HPGD: variants seen among roughly 807,000 people sequenced by gnomAD.
HPGD encodes the protein 15-hydroxyprostaglandin dehydrogenase.
HPGD carries 29 observed loss-of-function variants against 30.0 expected under a neutral mutation model. The ratio of observed to expected loss-of-function variants is 0.97; its 90% CI spans 0.72 to 1.32. HPGD has a LOEUF of 1.32. Ranked by LOEUF, HPGD falls within the 40% of genes most tolerant of loss-of-function variation. The pLI is 0.00. For synonymous variants in HPGD, 99 were observed against 112.4 expected, an observed-to-expected ratio of 0.88 and a Z score of 0.75; for missense variants, 340 against 322.1, an observed-to-expected ratio of 1.06 and a Z score of -0.43.
chr4:174,492,005 A>T lies in HPGD; in HGVS notation c.752T>A (p.Ile251Asn). 1 of 1,611,392 alleles carries T rather than the reference A, an allele frequency of 6.2e-7. No individual in the cohort carries two copies. The highest frequency in any genetic ancestry group is 8.5e-7 in the Non-Finnish European group (1 of 1,177,834). ...AGTTGTATCATAGTCTTGAAAATGA[A>T]TTCCCTTAGAAGTTGTGATCTTCAT... Reference protein sequence around the residue: ...AIMKITTSKGIHFQDYDTTPF... With the variant: ...AIMKITTSKGNHFQDYDTTPF... The change falls in exon 7 of 7, where the codon ATT (isoleucine) becomes AAT (asparagine). Residue 251 changes from isoleucine (I) to asparagine (N), a missense_variant. Ile to Asn is a moderately radical substitution (Grantham distance 149). Transcript: ENST00000296522. This position sits in a 1 kb window ranked among gnomAD's most constrained non-coding sequence, Gnocchi z 4.9.
chr4:174,503,238 G>T, intron 4 of HPGD, among the ~76,000 whole-genome samples: 1 of 152,102 alleles, frequency 6.6e-6, no homozygotes. Context: ...TAAGCAGGAA[G>T]GGTGGCTCCC....
upstream of HPGD, chr4:174,522,589 G>A: frequency 1.8e-6 from 1 of 568,338 alleles, no homozygotes; most frequent in Non-Finnish European, 2.9e-6. Flanking sequence ...AAACTGTCAA[G>A]CCAGCGCCCG....
rs148334846 is a variant in HPGD at position 174,515,630 on chromosome 4, A to G, written c.324+2341T>C. On this transcript the variant is annotated intron_variant, in intron 3 of 6. Transcript: ENST00000296522. Reference sequence around the variant, plus strand: ...CAAAACCAAAAATAGATGGGACCTAATTAAACTAAAGAGCTTCTGCACAGC... The same window carrying G: ...CAAAACCAAAAATAGATGGGACCTAGTTAAACTAAAGAGCTTCTGCACAGC... Among the ~76,000 whole-genome samples the G allele has an allele frequency of 2.4e-3, 341 of 141,224 alleles. 4 individuals are homozygous for G. The highest frequency in any genetic ancestry group is 8.5e-3 in the African/African-American group (326 of 38,424). The allele number at this position is 141,224 out of a possible 152,430, so 92.6% of individuals were successfully genotyped here.
In HPGD at chr4:174,511,486, G is replaced by A. The variant is rs558043475; in HGVS notation, c.325-2694C>T. ...CTGTAAGTTCCACATCAGTGGGGAT[G>A]AACATATTTAGGTTTACAGAAACTT... is the stretch of plus-strand genomic sequence containing the variant. On this transcript the variant is annotated intron_variant, in intron 3 of 6. Transcript: ENST00000296522. Among the ~76,000 whole-genome samples, 3 of 152,276 alleles carry A rather than the reference G, an allele frequency of 2.0e-5. No homozygotes were observed. The South Asian group carries it at 6.2e-4, about 32-fold the overall frequency.
At chr4:174,511,123 TAAA>T in intron 3 of HPGD, among the ~76,000 whole-genome samples, 1 of 151,748 alleles carries the variant, frequency 6.6e-6, no homozygotes, top group East Asian at 2.0e-4. Flanking sequence ...TAACAGTTTA[TAAA>T]TTATAGAGTC....
intron 4 of HPGD, among the ~76,000 whole-genome samples, chr4:174,504,573 T>A (rs749500149): frequency 4.6e-5 from 7 of 151,544 alleles, no homozygotes; most frequent in Non-Finnish European, 8.8e-5. Flanking sequence ...TTCGGGAGGC[T>A]GAGGCAGGCA....
Position 174,493,083 on chromosome 4 carries a change from T to C in HPGD, c.662+68A>G, listed in dbSNP as rs13126570. The C allele has an allele frequency of 0.16, 222,041 of 1,379,660 alleles. 21,545 individuals carry two copies. Among genetic ancestry groups the C allele is most frequent in the East Asian group, 0.51 (20,437 of 40,050 alleles). The allele number at this position is 1,379,660 out of a possible 1,614,324, so 85.5% of individuals were successfully genotyped here. ...CAACTGTATAAGCTTATTTCTTCCC[T>C]TTTTATAGCTTATCTAAATAATGCT... is the stretch of plus-strand genomic sequence containing the variant. On this transcript the variant is annotated intron_variant, in intron 6 of 6. Coordinates refer to ENST00000296522, the MANE Select transcript of HPGD (RefSeq NM_000860.6).
chr4:174,508,783 TA>T lies in HPGD; in HGVS notation c.333del (p.Ile112SerfsTer11). 1 of 1,582,212 alleles carries T rather than the reference TA, an allele frequency of 6.3e-7. No homozygotes were observed. The highest frequency in any genetic ancestry group is 8.7e-7 in the Non-Finnish European group (1 of 1,151,436). ...EKTLQINLVS[V>X]ISGTYLGLDY... ...TCCAAACCAAGATAGGTTCCACTGATAACAGAAACCTAATCCAGAGGCATAA... is the reference window on the plus strand; with the variant it reads ...TCCAAACCAAGATAGGTTCCACTGATACAGAAACCTAATCCAGAGGCATAA... On this transcript the variant is annotated frameshift_variant, in exon 4 of 7. Coordinates refer to ENST00000296522, the MANE Select transcript of HPGD (RefSeq NM_000860.6). LOFTEE classifies it high-confidence loss of function.
intron 2 of HPGD, 25 bp downstream of exon 2, chr4:174,521,919 T>A (rs759745616): frequency 1.9e-6 from 3 of 1,613,830 alleles, no homozygotes; most frequent in East Asian, 4.5e-5. Context: ...CGTTCCCAGT[T>A]GACAGATTGA....
rs1056996427 is a variant in HPGD, at chr4:174,503,054, C to T, written c.421+5642G>A. ...AGACTATTCGTTTCTCAGTAGCCCTCTCATTCCTATGTTAAGAAACCTCGA... is the reference window on the plus strand; with the variant it reads ...AGACTATTCGTTTCTCAGTAGCCCTTTCATTCCTATGTTAAGAAACCTCGA... On this transcript the variant is annotated intron_variant, in intron 4 of 6. Coordinates refer to ENST00000296522, the MANE Select transcript of HPGD (RefSeq NM_000860.6). Among the ~76,000 whole-genome samples the T allele has an allele frequency of 3.9e-5, 6 of 152,332 alleles. No individual in the cohort carries two copies. The South Asian group carries it at 1.2e-3, about 32-fold the overall frequency.
In HPGD at chr4:174,492,124, C is replaced by T. The variant is rs77000401; in HGVS notation, c.663-30G>A. ...AAATAAAGAAAACAGTATTTTGAAACGAAAGAATGAGGCATATTACCACTT... is the reference window on the plus strand; with the variant it reads ...AAATAAAGAAAACAGTATTTTGAAATGAAAGAATGAGGCATATTACCACTT... On this transcript the variant is annotated intron_variant, in intron 6 of 6. Coordinates refer to ENST00000296522, the MANE Select transcript of HPGD (RefSeq NM_000860.6). This position sits in a 1 kb window ranked among gnomAD's most constrained non-coding sequence, Gnocchi z 4.9. 1,722 of 1,599,826 alleles carry T rather than the reference C, an allele frequency of 1.1e-3. 21 individuals carry two copies. In the East Asian group the frequency reaches 0.027, roughly 25 times the overall value.
At chr4:174,497,700 C>T (rs1398854279) in intron 4 of HPGD, among the ~76,000 whole-genome samples, 1 of 149,092 alleles carries the variant, frequency 6.7e-6, no homozygotes, top group Non-Finnish European at 1.5e-5. Flanking sequence ...GCCTCAGCCT[C>T]CCAAGTAGCT....
chr4:174,522,331 AAT>A, intron 1 of HPGD, 26 bp downstream of exon 1: 1 of 1,545,858 alleles, frequency 6.5e-7, no homozygotes, highest in Non-Finnish European at 8.8e-7. Flanking sequence ...TGGGCAGAGA[AAT>A]TTCCGCGGCT....
At position 174,493,142 on chromosome 4, in the gene HPGD, TTTAC is replaced by T. The variant is rs758621450; in HGVS notation, c.662+5_662+8del. The stretch of plus-strand genomic sequence containing the variant: ...TCATTTAAAAGAAAATAGACATAGT[TTTAC>T]TTACTCCAAAATTCCATAGTATTTA... On this transcript the variant is annotated splice_donor_5th_base_variant and intron_variant, in intron 6 of 6. Coordinates refer to ENST00000296522, the MANE Select transcript of HPGD (RefSeq NM_000860.6). The T allele has an allele frequency of 1.6e-5, 25 of 1,566,178 alleles. No individual in the cohort carries two copies. In the African/African-American group the frequency reaches 3.3e-4, roughly 20 times the overall value.
chr4:174,493,188 G>T lies in HPGD; in HGVS notation c.625C>A (p.His209Asn). 1 of 1,604,696 alleles carries T rather than the reference G, an allele frequency of 6.2e-7. No homozygotes were observed. Among genetic ancestry groups the T allele is most frequent in the South Asian group, 1.1e-5 (1 of 90,694 alleles). ...NMGQYIEYKD[H>N]IKDMIKYYGI... The stretch of plus-strand genomic sequence containing the variant: ...TAGTATTTAATCATATCCTTGATAT[G>T]ATCCTTATATTCTATATATTGTCCC... The change falls in exon 6 of 7, where the codon CAT becomes AAT. Residue 209 changes from histidine to asparagine, a missense_variant. Transcript: ENST00000296522.
chr4:174,520,621 G>A (rs980310255), intron 2 of HPGD, among the ~76,000 whole-genome samples: 30 of 152,036 alleles, frequency 2.0e-4, no homozygotes, highest in African/African-American at 7.3e-4. Context: ...TTATAGCCAA[G>A]GTATTAATTT....
chr4:174,519,537 C>A (rs531492237), intron 2 of HPGD, among the ~76,000 whole-genome samples: 1 of 152,250 alleles, frequency 6.6e-6, no homozygotes, highest in South Asian at 2.1e-4. Context: ...AGTAGTGATA[C>A]TTAAATGGCC....
At chr4:174,505,025 G>A (rs1259001920) in intron 4 of HPGD, among the ~76,000 whole-genome samples, 3 of 152,164 alleles carry the variant, frequency 2.0e-5, no homozygotes, top group Non-Finnish European at 4.4e-5. Flanking sequence ...AAAAACTCGT[G>A]TAGAAAAGTC....
chr4:174,499,257 T>C (rs1289016365), intron 4 of HPGD, among the ~76,000 whole-genome samples: 1 of 152,176 alleles, frequency 6.6e-6, no homozygotes. Context: ...TGCACAACTA[T>C]ACATGGTAGT....
Sources: gnomAD v4.1 joint callset for allele counts (sites outside exome capture counted in the v4.1 genomes callset) on GRCh38, gnomAD v4.1.1 for gene constraint, Gnocchi (gnomAD v3.1) non-coding constraint, MANE v1.5 for transcripts, NCBI Gene and HGNC (gene_info 2026-07-23, HGNC 2026-07-21) for gene names.